The following ADAMTSL1 variants were observed in gnomAD, a reference collection of about 807,000 sequenced individuals.
The protein encoded by ADAMTSL1 is ADAMTS like 1.
In ADAMTSL1, 126 loss-of-function variants were observed where a neutral mutation model predicts 201.8. The observed-to-expected ratio is 0.62, with a 90% confidence interval of 0.54 to 0.72. The LOEUF is 0.72. ADAMTSL1 is among the 30% of genes least tolerant of loss of function. ADAMTSL1 has a pLI of 0.00. For synonymous variants in ADAMTSL1, 1,121 were observed against 903.4 expected, an observed-to-expected ratio of 1.24 and a Z score of -4.32; for missense variants, 2,679 against 2,277.8, an observed-to-expected ratio of 1.18 and a Z score of -3.59.
chr9:17,940,432 C>T (rs1313222002), intron 1 of ADAMTSL1, among the ~76,000 whole-genome samples: 3 of 151,872 alleles, frequency 2.0e-5, no homozygotes. Flanking sequence ...TAGGGAGAAG[C>T]AGCTGATGAA....
At chr9:18,596,819 A>G (rs1391897186) in intron 4 of ADAMTSL1, among the ~76,000 whole-genome samples, 1 of 152,206 alleles carries the variant, frequency 6.6e-6, no homozygotes, top group East Asian at 1.9e-4. Flanking sequence ...AACATACAGA[A>G]GAAGTGAAAC....
At chr9:18,036,211 A>C (rs1821188929) in intron 1 of ADAMTSL1, among the ~76,000 whole-genome samples, 1 of 152,234 alleles carries the variant, frequency 6.6e-6, no homozygotes, top group African/African-American at 2.4e-5. Context: ...GTAATAAGTC[A>C]AGTGGCTGGA....
intron 1 of ADAMTSL1, among the ~76,000 whole-genome samples, chr9:18,031,003 A>T (rs1325387511): frequency 6.6e-6 from 1 of 152,076 alleles, no homozygotes; most frequent in African/African-American, 2.4e-5. Context: ...GAATTTTTCA[A>T]CTCCAGAAGT....
intron 2 of ADAMTSL1, among the ~76,000 whole-genome samples, chr9:18,333,630 G>C (rs1036283233): frequency 1.3e-5 from 2 of 152,142 alleles, no homozygotes; most frequent in Middle Eastern, 3.4e-3. Context: ...TAGAGAAACA[G>C]GGACAAAATA....
At chr9:18,738,257 T>C (rs566549174) in intron 15 of ADAMTSL1, among the ~76,000 whole-genome samples, 1 of 152,178 alleles carries the variant, frequency 6.6e-6, no homozygotes, top group Non-Finnish European at 1.5e-5. Flanking sequence ...TATATCTTAG[T>C]CTTTAAAACT....
chr9:17,931,694 C>A (rs906916286), intron 1 of ADAMTSL1, among the ~76,000 whole-genome samples: 1 of 152,054 alleles, frequency 6.6e-6, no homozygotes, highest in Non-Finnish European at 1.5e-5. Flanking sequence ...GTTTGATTGA[C>A]ATTTATCAGA....
chr9:18,903,701 G>A (rs1488394599), intron 26 of ADAMTSL1, among the ~76,000 whole-genome samples: 41 of 106,328 alleles, frequency 3.9e-4, no homozygotes, highest in Admixed American at 3.5e-3. Context: ...GTTGTCCCTT[G>A]GTATCCACAG....
intron 2 of ADAMTSL1, among the ~76,000 whole-genome samples, chr9:18,524,646 A>C (rs983240062): frequency 2.0e-5 from 3 of 152,170 alleles, no homozygotes; most frequent in Admixed American, 1.3e-4. Flanking sequence ...AGTTCTTAGC[A>C]TGAAGGGGTG....
chr9:18,477,909 C>A (rs561239057), intron 1 of ADAMTSL1, among the ~76,000 whole-genome samples: 1 of 152,076 alleles, frequency 6.6e-6, no homozygotes, highest in Non-Finnish European at 1.5e-5. Context: ...CAATAGTGGT[C>A]ACTAGTGAAC....
At chr9:18,458,224 A>T (rs773896144) in intron 2 of ADAMTSL1, among the ~76,000 whole-genome samples, 20 of 152,332 alleles carry the variant, frequency 1.3e-4, no homozygotes, top group Middle Eastern at 3.4e-3. Context: ...AGTGTGTCCC[A>T]CTGGAAGAAA....
At chr9:18,652,344 G>T (rs1317906833) in intron 7 of ADAMTSL1, among the ~76,000 whole-genome samples, 1 of 114,702 alleles carries the variant, frequency 8.7e-6, no homozygotes, top group African/African-American at 3.4e-5. Flanking sequence ...CAGCTTGGGT[G>T]ACAAGAACAA....
intron 13 of ADAMTSL1, among the ~76,000 whole-genome samples, chr9:18,704,672 A>G (rs1832127216): frequency 6.6e-6 from 1 of 152,228 alleles, no homozygotes; most frequent in East Asian, 1.9e-4. Context: ...AAGGGTTAAA[A>G]TGATTTTGAT....
chr9:18,678,145 C>G (rs541365507), intron 10 of ADAMTSL1, among the ~76,000 whole-genome samples: 1 of 152,164 alleles, frequency 6.6e-6, no homozygotes, highest in South Asian at 2.1e-4. Flanking sequence ...TATAATTAAT[C>G]TATGCCACTC....
intron 7 of ADAMTSL1, among the ~76,000 whole-genome samples, chr9:18,645,176 A>T (rs957649193): frequency 5.9e-5 from 9 of 152,098 alleles, no homozygotes; most frequent in Non-Finnish European, 1.2e-4. Flanking sequence ...TTTGGCTGCA[A>T]AAATGTCTTC....
intron 7 of ADAMTSL1, among the ~76,000 whole-genome samples, chr9:18,651,750 C>A (rs768913963): frequency 6.6e-6 from 1 of 152,018 alleles, no homozygotes; most frequent in African/African-American, 2.4e-5. Flanking sequence ...GAGTATTAGG[C>A]AAAGATGATG....
chr9:18,623,349 C>T (rs1276856723), intron 5 of ADAMTSL1, among the ~76,000 whole-genome samples: 1 of 152,070 alleles, frequency 6.6e-6, no homozygotes, highest in Non-Finnish European at 1.5e-5. Flanking sequence ...ACTATTAATC[C>T]CCATGTTATG....
intron 4 of ADAMTSL1, among the ~76,000 whole-genome samples, chr9:18,587,533 A>G (rs559260592): frequency 1.3e-5 from 2 of 152,274 alleles, no homozygotes; most frequent in Admixed American, 6.5e-5. Flanking sequence ...ATATACAATA[A>G]CTTATTGTCA....
chr9:18,300,481 G>A (rs61460291), intron 2 of ADAMTSL1, among the ~76,000 whole-genome samples: 209 of 152,170 alleles, frequency 1.4e-3, no homozygotes, highest in African/African-American at 4.7e-3. Flanking sequence ...GGCTGGGGGA[G>A]GGATAGCATT....
At chr9:18,393,384 A>G (rs1838132012) in intron 2 of ADAMTSL1, among the ~76,000 whole-genome samples, 1 of 152,166 alleles carries the variant, frequency 6.6e-6, no homozygotes, top group Non-Finnish European at 1.5e-5. Flanking sequence ...GGGGAAGGTA[A>G]TGACTCACCA....
Sources: gnomAD v4.1 joint callset for allele counts (sites outside exome capture counted in the v4.1 genomes callset) on GRCh38, gnomAD v4.1.1 for gene constraint, MANE v1.5 for transcripts, NCBI Gene and HGNC (gene_info 2026-07-23, HGNC 2026-07-21) for gene names.